The following CIBAR2 variants were observed in gnomAD, a reference collection of about 807,000 sequenced individuals.
The protein encoded by CIBAR2 is CBY1 interacting BAR domain containing 2.
Under a neutral mutation model 36.2 loss-of-function variants are expected in CIBAR2, and 38 were observed. The observed-to-expected ratio is 1.05, with a 90% CI of 0.81 to 1.38. The LOEUF is 1.38. Ranked by LOEUF, CIBAR2 falls within the 40% of genes most tolerant of loss-of-function variation. The pLI, the probability that CIBAR2 is intolerant of heterozygous loss-of-function variation, is 0.00. For missense variants in CIBAR2, 481 were observed against 383.4 expected (o/e 1.25, Z -2.13); for synonymous variants, 182 against 149.5 (o/e 1.22, Z -1.58).
chr16:85,110,425 G>C lies in CIBAR2; in HGVS notation c.56C>G (p.Ala19Gly), dbSNP rs1308292886. The C allele has an allele frequency of 1.2e-6, 2 of 1,610,908 alleles. No homozygotes were observed. Among genetic ancestry groups the C allele is most frequent in the Non-Finnish European group, 1.7e-6 (2 of 1,178,312 alleles). ...SQVRVMENTV[A>G]NTEKYFGQFC... ...CTGCCCAAAGTACTTCTCGGTGTTG[G>C]CCACGGTATTCTCCATCACCCTCAC... Residue 19 changes from alanine (A) to glycine (G), a missense_variant, in exon 2 of 9, where the codon GCC becomes GGC. Ala to Gly is a moderately conservative substitution (Grantham distance 60). Coordinates refer to ENST00000539556, the MANE Select transcript of CIBAR2 (RefSeq NM_198491.3).
At chr16:85,101,068 A>C (rs1885886969) in intron 7 of CIBAR2, among the ~76,000 whole-genome samples, 2 of 149,278 alleles carry the variant, frequency 1.3e-5, no homozygotes, top group East Asian at 1.9e-4. Context: ...AAATGGTGAC[A>C]CTCCCTCTTG....
chr16:85,108,472 C>T (rs1275714442), intron 2 of CIBAR2, among the ~76,000 whole-genome samples: 1 of 152,236 alleles, frequency 6.6e-6, no homozygotes, highest in Non-Finnish European at 1.5e-5. Context: ...AGTCTCTCTA[C>T]ACGACAGCCC....
chr16:85,107,991 A>G (rs1236171038), intron 3 of CIBAR2, 40 bp downstream of exon 3: 12 of 1,613,476 alleles, frequency 7.4e-6, no homozygotes, highest in Non-Finnish European at 1.0e-5. Flanking sequence ...CCCACAGGGC[A>G]AGACAGGGAT....
In CIBAR2 at chr16:85,102,377, C is replaced by A. The variant is rs769804054; in HGVS notation, c.538-50G>T. ...TGTAAGCATCGCAGTGAGAAAGAGCCCAGGGAAGCCTGGGATGCAGGCAGA... is the reference window on the plus strand; with the variant it reads ...TGTAAGCATCGCAGTGAGAAAGAGCACAGGGAAGCCTGGGATGCAGGCAGA... On this transcript the variant is annotated intron_variant, in intron 6 of 8. Transcript: ENST00000539556. The A allele has an allele frequency of 3.4e-6, 4 of 1,180,810 alleles. No individual in the cohort carries two copies. In the African/African-American group the frequency reaches 6.0e-5, roughly 18 times the overall value. 73.1% of individuals were successfully genotyped at this position (1,180,810 alleles called of 1,614,324 possible).
chr16:85,105,299 G>A lies in CIBAR2; in HGVS notation c.537+28C>T, dbSNP rs72807606. On this transcript the variant is annotated intron_variant, in intron 6 of 8. Transcript: ENST00000539556. Reference sequence around the variant, plus strand: ...ACACACACACAAGGCAGCCCAGGGCGCCTCCCATCCCGGCCAACCACCCTC... The same window carrying A: ...ACACACACACAAGGCAGCCCAGGGCACCTCCCATCCCGGCCAACCACCCTC... 15 of 1,438,240 alleles carry A rather than the reference G, an allele frequency of 1.0e-5. No individual in the cohort carries two copies. In the South Asian group the frequency reaches 1.4e-4, roughly 13 times the overall value. The allele number at this position is 1,438,240 out of a possible 1,614,324, so 89.1% of individuals were successfully genotyped here.
At position 85,098,733 on chromosome 16, in the gene CIBAR2, G is replaced by C; in HGVS notation, c.*452C>G. On this transcript the variant is annotated 3_prime_UTR_variant, in exon 9 of 9. Coordinates refer to ENST00000539556, the MANE Select transcript of CIBAR2 (RefSeq NM_198491.3). ...AGCAACATCAGTAATGATAATGGCA[G>C]CAACAAGTCTCAAGTGTTTGTTGCG... The C allele has an allele frequency of 1.5e-6, 1 of 686,664 alleles. No homozygotes were observed. Among genetic ancestry groups the C allele is most frequent in the Non-Finnish European group, 1.8e-6 (1 of 557,070 alleles). The allele number at this position is 686,664 out of a possible 1,614,324, so 42.5% of individuals were successfully genotyped here.
chr16:85,108,917 A>G (rs919431440), intron 2 of CIBAR2, among the ~76,000 whole-genome samples: 6 of 152,050 alleles, frequency 3.9e-5, no homozygotes, highest in African/African-American at 9.7e-5. Flanking sequence ...CCTCTTGCCA[A>G]TTTTACAATC....
At chr16:85,111,153 G>A (rs1195402086) in intron 1 of CIBAR2, among the ~76,000 whole-genome samples, 2 of 152,052 alleles carry the variant, frequency 1.3e-5, no homozygotes, top group Non-Finnish European at 2.9e-5. Flanking sequence ...CATCCCCAGC[G>A]TGTAACTGTC....
intron 6 of CIBAR2, among the ~76,000 whole-genome samples, chr16:85,103,446 A>G (rs190014021): frequency 6.6e-5 from 10 of 152,316 alleles, no homozygotes; most frequent in Admixed American, 3.3e-4. Flanking sequence ...TCTCTTTTGA[A>G]ATGTGAAGGG....
rs563620404 is a variant in CIBAR2 at position 85,098,401 on chromosome 16, C to G, written c.*784G>C. On this transcript the variant is annotated 3_prime_UTR_variant, in exon 9 of 9. Transcript: ENST00000539556. Reference sequence around the variant, plus strand: ...TATTGAACACCTACTATATGCCAGGCACAGCGATCCCCCAGAGCAACCTGT... The same window carrying G: ...TATTGAACACCTACTATATGCCAGGGACAGCGATCCCCCAGAGCAACCTGT... 1.6e-4 allele frequency: 52 copies of G among 317,178 alleles called. No individual in the cohort carries two copies. In the South Asian group the frequency reaches 5.7e-3, roughly 34 times the overall value. The allele number at this position is 317,178 out of a possible 1,614,324, so 19.6% of individuals were successfully genotyped here. A position where few individuals can be genotyped will look rare whatever the true frequency, so the allele number is the denominator to read the frequency against.
intron 6 of CIBAR2, among the ~76,000 whole-genome samples, chr16:85,104,505 C>T (rs1024411731): frequency 4.0e-4 from 61 of 152,150 alleles, no homozygotes; most frequent in African/African-American, 1.4e-3. Context: ...GTCAGGCGTT[C>T]GAGACCAGCC....
At position 85,108,019 on chromosome 16, in the gene CIBAR2, G is replaced by A; in HGVS notation, c.324+12C>T. The A allele has an allele frequency of 6.2e-7, 1 of 1,613,802 alleles. No homozygotes were observed. Among genetic ancestry groups the A allele is most frequent in the Non-Finnish European group, 8.5e-7 (1 of 1,179,772 alleles). ...ACAGGGATGCCACCCACACCGAGGT[G>A]CCCCGGCTCACCCGTGTCTGCTTGA... On this transcript the variant is annotated intron_variant, in intron 3 of 8. Coordinates refer to ENST00000539556, the MANE Select transcript of CIBAR2 (RefSeq NM_198491.3).
intron 1 of CIBAR2, among the ~76,000 whole-genome samples, chr16:85,110,778 T>C (rs62051662): frequency 0.15 from 22,457 of 149,688 alleles, 2,014 homozygotes; most frequent in Middle Eastern, 0.23. Context: ...GATCTTGGCT[T>C]ACTGCAACCT....
intron 7 of CIBAR2, 59 bp from the exon 8 acceptor site, chr16:85,100,299 G>A: frequency 9.1e-7 from 1 of 1,099,796 alleles, no homozygotes; most frequent in Non-Finnish European, 1.4e-6. Flanking sequence ...GTGGGTTGGG[G>A]GAGTGGGATG....
At position 85,099,667 on chromosome 16, in the gene CIBAR2, G is replaced by A. The variant is rs187857281; in HGVS notation, c.754-321C>T. ...GAGACAGAGTCTCGCTCTGTAACCC[G>A]GGCTGGAGTGCAATGGTACGATCTC... is the stretch of plus-strand genomic sequence containing the variant. On this transcript the variant is annotated intron_variant, in intron 8 of 8. Coordinates refer to ENST00000539556, the MANE Select transcript of CIBAR2 (RefSeq NM_198491.3). Among the ~76,000 whole-genome samples the A allele has an allele frequency of 4.9e-3, 734 of 150,618 alleles. 5 individuals carry two copies. The highest frequency in any genetic ancestry group is 7.4e-3 in the Non-Finnish European group (501 of 67,668).
In CIBAR2 at chr16:85,098,476, G is replaced by C; in HGVS notation, c.*709C>G. 2.1e-6 allele frequency: 2 copies of C among 967,994 alleles called. No individual in the cohort carries two copies. The highest frequency in any genetic ancestry group is 4.8e-5 in the South Asian group (1 of 20,944). The allele number at this position is 967,994 out of a possible 1,614,324, so 60.0% of individuals were successfully genotyped here. On this transcript the variant is annotated 3_prime_UTR_variant, in exon 9 of 9. Transcript: ENST00000539556. ...GTACAGATGAGGAAACTGAGGCTCA[G>C]AGGACACGTGGCTTGCCTGAGGGCA... is the stretch of plus-strand genomic sequence containing the variant.
Position 85,105,403 on chromosome 16 carries a change from A to C in CIBAR2, c.461T>G (p.Val154Gly), listed in dbSNP as rs780258886. The C allele has an allele frequency of 5.6e-6, 9 of 1,613,740 alleles. No homozygotes were observed. Among genetic ancestry groups the C allele is most frequent in the Non-Finnish European group, 6.8e-6 (8 of 1,179,928 alleles). ...CTGGAGGGTGGTGCGGCTGGAGTCC[A>C]CAGCGGCCCTCTGCACTCTGGTCTC... ...QAETRVQRAA[V>G]DSSRTTLQLE... Residue 154 changes from valine (V) to glycine (G), a missense_variant, in exon 6 of 9, where the codon GTG becomes GGG. Coordinates refer to ENST00000539556, the MANE Select transcript of CIBAR2 (RefSeq NM_198491.3).
chr16:85,102,444 C>A, intron 6 of CIBAR2, 117 bp from the exon 7 acceptor site: 1 of 675,680 alleles, frequency 1.5e-6, no homozygotes, highest in South Asian at 1.6e-5. Context: ...GGGACAGGCC[C>A]CAGGTGGGGA....
chr16:85,105,473 GCTTCTGGCCCTTAGACACCTTTCTGAAT>G (rs2073989147), intron 5 of CIBAR2, 42 bp from the exon 6 acceptor site: 1 of 1,454,152 alleles, frequency 6.9e-7, no homozygotes, highest in Non-Finnish European at 9.7e-7. Flanking sequence ...TCATGGGGGT[GCTTCTGGCCCTTAGACACCTTTCTGAAT>G]CACTCTGTCT....
Sources: gnomAD v4.1 joint callset for allele counts (sites outside exome capture counted in the v4.1 genomes callset) on GRCh38, gnomAD v4.1.1 for gene constraint, MANE v1.5 for transcripts, NCBI Gene and HGNC (gene_info 2026-07-23, HGNC 2026-07-21) for gene names.